The following RTN4 variants were observed in gnomAD, a reference collection of about 807,000 sequenced individuals.
RTN4 encodes reticulon-4.
A neutral mutation model predicts 90.4 loss-of-function variants in RTN4; 32 were observed. The observed-to-expected ratio is 0.35, with a 90% CI of 0.27 to 0.48. The LOEUF (loss-of-function observed/expected upper bound fraction) is 0.48, where lower values mean the gene tolerates loss of function less well. Ranked by LOEUF, RTN4 falls within the 20% of genes least tolerant of loss-of-function variation. The pLI is 0.99. For missense variants in RTN4, 1,706 were observed against 1,430.2 expected (o/e 1.19, Z -3.11); for synonymous variants, 629 against 552.5 (o/e 1.14, Z -1.94).
intron 1 of RTN4, among the ~76,000 whole-genome samples, chr2:55,095,880 A>G (rs1305107236): frequency 1.3e-5 from 2 of 152,044 alleles, no homozygotes; most frequent in Admixed American, 6.6e-5. Context: ...TGTTTTTGCT[A>G]CCTTTGACAG....
In RTN4 at chr2:55,065,324, C is replaced by G. The variant is rs1206683101; in HGVS notation, c.-63+15165G>C. On this transcript the variant is annotated intron_variant, in intron 2 of 3. Transcript: ENST00000427710. ...CTCTGTGTTTTATCCCATCTGCCTT[C>G]TACTGCTATTTGCTAGTGTGATGAA... Among the ~76,000 whole-genome samples, 3 of 152,178 alleles carry G rather than the reference C, an allele frequency of 2.0e-5. No individual in the cohort carries two copies. The East Asian group carries it at 5.8e-4, about 29-fold the overall frequency.
At chr2:55,036,135 C>G (rs1682664644) in intron 1 of RTN4, among the ~76,000 whole-genome samples, 2 of 152,084 alleles carry the variant, frequency 1.3e-5, no homozygotes, top group African/African-American at 2.4e-5. Context: ...CAAAACCAGA[C>G]AAGGATATAA....
At chr2:54,978,694 T>C (rs1440576243) in intron 5 of RTN4, among the ~76,000 whole-genome samples, 7 of 152,164 alleles carry the variant, frequency 4.6e-5, no homozygotes, top group Non-Finnish European at 1.0e-4. Context: ...TCCATTTTCC[T>C]AGCTATGAAT....
intron 1 of RTN4, among the ~76,000 whole-genome samples, chr2:55,031,303 C>T (rs1573432001): frequency 6.6e-6 from 1 of 152,212 alleles, no homozygotes; most frequent in Non-Finnish European, 1.5e-5. Context: ...TGCTTTCTGT[C>T]TGAAGGCACA....
At chr2:55,011,340 A>T (rs1176209830) in intron 3 of RTN4, among the ~76,000 whole-genome samples, 1 of 152,120 alleles carries the variant, frequency 6.6e-6, no homozygotes, top group African/African-American at 2.4e-5. Flanking sequence ...AATTTTACTG[A>T]AAAATATAAA....
intron 1 of RTN4, among the ~76,000 whole-genome samples, chr2:55,086,497 C>CAAA (rs36045085): frequency 6.8e-6 from 1 of 146,724 alleles, no homozygotes. Flanking sequence ...CTAATCTCTA[C>CAAA]AAAAAAAAAA....
At chr2:54,986,374 C>G (rs776266732) in intron 4 of RTN4, among the ~76,000 whole-genome samples, 8 of 152,184 alleles carry the variant, frequency 5.3e-5, no homozygotes, top group Non-Finnish European at 1.0e-4. Flanking sequence ...TAGGCTTTCA[C>G]GTCCATATGG....
the RTN4 span, among the ~76,000 whole-genome samples, chr2:55,129,061 T>C: frequency 1.4e-5 from 2 of 140,560 alleles, no homozygotes; most frequent in African/African-American, 5.4e-5. Context: ...TGAGCCGAGA[T>C]CGCGCCACTA....
At chr2:55,047,240 G>C (rs922445870) in intron 1 of RTN4, among the ~76,000 whole-genome samples, 1 of 150,906 alleles carries the variant, frequency 6.6e-6, no homozygotes, top group Non-Finnish European at 1.5e-5. Context: ...TGAGGCAGGA[G>C]AATCACTTGA....
At chr2:55,012,511 T>G (rs1456679026) in intron 3 of RTN4, among the ~76,000 whole-genome samples, 2 of 152,190 alleles carry the variant, frequency 1.3e-5, no homozygotes, top group Non-Finnish European at 2.9e-5. Context: ...AGCAAAAAAG[T>G]GCTTAAATCT....
At chr2:55,085,577 T>G (rs1361685464) in intron 1 of RTN4, among the ~76,000 whole-genome samples, 1 of 152,196 alleles carries the variant, frequency 6.6e-6, no homozygotes, top group African/African-American at 2.4e-5. Context: ...AGCTGACAAT[T>G]TAGATGCTAA....
Position 55,093,393 on chromosome 2 carries a change from T to A in RTN4, c.-213-12754A>T, listed in dbSNP as rs571251827. Reference sequence around the variant, plus strand: ...ACTTAAATAATTTATTCTATATATATTTAATTTATTTTATATATATATAGA... The same window carrying A: ...ACTTAAATAATTTATTCTATATATAATTAATTTATTTTATATATATATAGA... On this transcript the variant is annotated intron_variant, in intron 1 of 3. Transcript: ENST00000427710. Among the ~76,000 whole-genome samples the A allele has an allele frequency of 5.6e-5, 5 of 88,802 alleles. No homozygotes were observed. The South Asian group carries it at 1.5e-3, about 27-fold the overall frequency. 58.3% of individuals were successfully genotyped at this position (88,802 alleles called of 152,430 possible).
At chr2:55,116,688 A>G (rs368554960), upstream of RTN4, among the ~76,000 whole-genome samples, 37 of 152,234 alleles carry the variant, frequency 2.4e-4, no homozygotes, top group Admixed American at 1.1e-3. Context: ...CACACAGCTA[A>G]TGAGTGGCAG....
chr2:55,009,431 T>C (rs1428619357), intron 3 of RTN4, among the ~76,000 whole-genome samples: 2 of 152,162 alleles, frequency 1.3e-5, no homozygotes, highest in Non-Finnish European at 2.9e-5. Context: ...CCACTGAGAT[T>C]TGAAAGGATC....
chr2:55,132,776 T>C, the RTN4 span, among the ~76,000 whole-genome samples: 2 of 140,322 alleles, frequency 1.4e-5, no homozygotes, highest in African/African-American at 5.5e-5. Flanking sequence ...GTCTTGCCAC[T>C]GCACTCCAGC....
chr2:55,110,107 G>C (rs1165602007), intron 1 of RTN4, among the ~76,000 whole-genome samples: 2 of 151,958 alleles, frequency 1.3e-5, no homozygotes, highest in African/African-American at 4.8e-5. Flanking sequence ...CCAGGAGTTC[G>C]AGACCAGCCT....
Position 55,027,421 on chromosome 2 carries a change from A to T in RTN4, c.678T>A (p.Ser226=). Residue 226 remains serine (S), a synonymous_variant, in exon 3 of 9, where the codon TCT becomes TCA. Transcript: ENST00000337526. ...GAGAAGCAGCAGTTTCAAGCAGGAC[A>T]GATGGGAAATCCTCTTGACCAGCCG... ...TISAGQEDFP[S]VLLETAASLP... is the part of the protein sequence containing the mutation. 2 of 1,613,612 alleles carry T rather than the reference A, an allele frequency of 1.2e-6. No individual in the cohort carries two copies. Among genetic ancestry groups the T allele is most frequent in the African/African-American group, 2.7e-5 (2 of 75,028 alleles).
In RTN4 at chr2:54,994,578, C is replaced by T. The variant is rs1679270234; in HGVS notation, c.3014-6880G>A. 2.0e-5 allele frequency among the ~76,000 whole-genome samples: 3 copies of T among 152,148 alleles called. No individual in the cohort carries two copies. In the South Asian group the frequency reaches 6.2e-4, roughly 32 times the overall value. ...TACTAGGAACAAAATGGAACATTAT[C>T]AACCTGATAAAGAGCATCTACAAAA... is the stretch of plus-strand genomic sequence containing the variant. On this transcript the variant is annotated intron_variant, in intron 3 of 8. Coordinates refer to ENST00000337526, the MANE Select transcript of RTN4 (RefSeq NM_020532.5).
the RTN4 span, among the ~76,000 whole-genome samples, chr2:55,119,267 C>G: frequency 1.3e-5 from 2 of 152,162 alleles, no homozygotes; most frequent in African/African-American, 2.4e-5. Flanking sequence ...TGCAATTACT[C>G]AATCTAAAGT....
Sources: gnomAD v4.1 joint callset for allele counts (sites outside exome capture counted in the v4.1 genomes callset) on GRCh38, gnomAD v4.1.1 for gene constraint, MANE v1.5 for transcripts, NCBI Gene and HGNC (gene_info 2026-07-23, HGNC 2026-07-21) for gene names.